DSCAML1: variants seen among roughly 807,000 people sequenced by gnomAD.
The protein encoded by DSCAML1 is DS cell adhesion molecule like 1, also known as cell adhesion molecule DSCAML1.
DSCAML1 carries 38 observed loss-of-function variants against 200.5 expected under a neutral mutation model. The ratio of observed to expected loss-of-function variants is 0.19; its 90% CI spans 0.15 to 0.25. DSCAML1 has a LOEUF of 0.25. Among genes scored for constraint, DSCAML1 ranks in the 10% least tolerant of loss-of-function variants. DSCAML1 has a pLI of 1.00. For missense variants in DSCAML1, 2,223 were observed against 2,858.8 expected (o/e 0.78, Z 5.07); for synonymous variants, 1,215 against 1,165.0 (o/e 1.04, Z -0.87).
In DSCAML1 at chr11:117,504,587, A is replaced by C. The variant is rs1324637839; in HGVS notation, c.2182+337T>G. ...CAGAAAAGGTTGACTGGTGAGAAGC[A>C]GGGGGCTTTGAGGCTCTGGGGCCCC... On this transcript the variant is annotated intron_variant, in intron 10 of 32. Transcript: ENST00000651296. The surrounding 1 kb of genome is among the most constrained non-coding windows in gnomAD (Gnocchi z 5.0). Among the ~76,000 whole-genome samples the C allele has an allele frequency of 6.6e-6, 1 of 152,164 alleles. No homozygotes were observed. The highest frequency in any genetic ancestry group is 1.5e-5 in the Non-Finnish European group (1 of 68,018).
intron 1 of DSCAML1, among the ~76,000 whole-genome samples, chr11:117,788,436 C>CCT (rs2055402492): frequency 6.6e-6 from 1 of 152,184 alleles, no homozygotes; most frequent in Non-Finnish European, 1.5e-5. Context: ...GAGCGATTCT[C>CCT]CTGCCTCAGT....
rs1025082430 is a variant in DSCAML1 at position 117,642,328 on chromosome 11, CT to C, written c.512-109807del. On this transcript the variant is annotated intron_variant, in intron 3 of 32. Coordinates refer to ENST00000651296, the MANE Select transcript of DSCAML1 (RefSeq NM_020693.4). The surrounding 1 kb of genome is among the most constrained non-coding windows in gnomAD (Gnocchi z 4.1). ...CTTCCTATCTCACACCTGCCATCCTCTTTTTTTTTCTTGCTTGAGCTCTGGT... is the reference window on the plus strand; with the variant it reads ...CTTCCTATCTCACACCTGCCATCCTCTTTTTTTTCTTGCTTGAGCTCTGGT... 6.6e-6 allele frequency among the ~76,000 whole-genome samples: 1 copy of C among 151,640 alleles called. No homozygotes were observed. The highest frequency in any genetic ancestry group is 1.9e-4 in the East Asian group (1 of 5,196).
chr11:117,663,021 T>A (rs1170460766), intron 3 of DSCAML1, among the ~76,000 whole-genome samples: 1 of 133,910 alleles, frequency 7.5e-6, no homozygotes, highest in Non-Finnish European at 1.6e-5. Context: ...CCTTACCACA[T>A]CCACTTGCCC....
chr11:117,762,896 TAATAA>T lies in DSCAML1; in HGVS notation c.511+13890_511+13894del, dbSNP rs1351718821. 3.4e-5 allele frequency among the ~76,000 whole-genome samples: 5 copies of T among 146,500 alleles called. No homozygotes were observed. The East Asian group carries it at 9.8e-4, about 29-fold the overall frequency. On this transcript the variant is annotated intron_variant, in intron 3 of 32. Coordinates refer to ENST00000651296, the MANE Select transcript of DSCAML1 (RefSeq NM_020693.4). ...ATAATAATAATAATAATAATAATAA[TAATAA>T]TTTAATATATATGAAACTGTGCTGT... is the stretch of plus-strand genomic sequence containing the variant.
intron 3 of DSCAML1, among the ~76,000 whole-genome samples, chr11:117,651,588 T>C (rs1258998584): frequency 1.3e-5 from 2 of 151,262 alleles, no homozygotes; most frequent in Non-Finnish European, 2.9e-5. Context: ...GGCGGGCACC[T>C]GTAGTCCCAG....
intron 18 of DSCAML1, 119 bp from the exon 19 acceptor site, chr11:117,459,028 G>A: frequency 7.4e-7 from 1 of 1,343,300 alleles, no homozygotes; most frequent in Non-Finnish European, 1.0e-6. Context: ...CGACTCCATG[G>A]TGGCGAGGAC....
intron 3 of DSCAML1, among the ~76,000 whole-genome samples, chr11:117,549,146 GGGGTCTACCT>G (rs779717910): frequency 5.1e-4 from 77 of 152,246 alleles, no homozygotes; most frequent in Non-Finnish European, 5.4e-4. Context: ...TCCCACTCCG[GGGGTCTACCT>G]GCCTCAGAGG....
At chr11:117,675,945 G>C (rs2137681701) in intron 3 of DSCAML1, among the ~76,000 whole-genome samples, 1 of 152,282 alleles carries the variant, frequency 6.6e-6, no homozygotes, top group Non-Finnish European at 1.5e-5. Context: ...CCCCACTCCA[G>C]GGCTGGCTTT....
At chr11:117,815,305 G>A (rs2055795687) in intron 1 of DSCAML1, among the ~76,000 whole-genome samples, 1 of 152,186 alleles carries the variant, frequency 6.6e-6, no homozygotes, top group African/African-American at 2.4e-5. Context: ...CTTTTGTCTT[G>A]TGTCTGTTTT....
chr11:117,810,245 A>ACCCCTT (rs1431731742), intron 1 of DSCAML1, among the ~76,000 whole-genome samples: 37 of 151,156 alleles, frequency 2.4e-4, no homozygotes, highest in Middle Eastern at 3.4e-3. Flanking sequence ...TGGACCCAAA[A>ACCCCTT]CTCCGTGGAC....
Position 117,437,104 on chromosome 11 carries a change from T to G in DSCAML1, c.4720+18A>C. The G allele has an allele frequency of 6.2e-7, 1 of 1,606,292 alleles. No individual in the cohort carries two copies. Among genetic ancestry groups the G allele is most frequent in the Non-Finnish European group, 8.5e-7 (1 of 1,175,396 alleles). On this transcript the variant is annotated intron_variant, in intron 26 of 32. Coordinates refer to ENST00000651296, the MANE Select transcript of DSCAML1 (RefSeq NM_020693.4). The surrounding 1 kb of genome is among the most constrained non-coding windows in gnomAD (Gnocchi z 5.3). ...CTGCTCCAGCCTCTGTACCATCCCT[T>G]CCACCCTTGCGACTCACTGCCATCG...
intron 14 of DSCAML1, among the ~76,000 whole-genome samples, chr11:117,472,713 T>A (rs1308779839): frequency 6.6e-6 from 1 of 152,194 alleles, no homozygotes; most frequent in East Asian, 1.9e-4. Flanking sequence ...ATCTCACGGC[T>A]GATGTTTAGC....
At chr11:117,479,902 C>T (rs2048875012) in intron 14 of DSCAML1, among the ~76,000 whole-genome samples, 1 of 152,170 alleles carries the variant, frequency 6.6e-6, no homozygotes, top group South Asian at 2.1e-4. Context: ...CTCGCGTCAG[C>T]CTGCCAAAGT....
At chr11:117,607,911 A>G (rs1448469262) in intron 3 of DSCAML1, among the ~76,000 whole-genome samples, 1 of 152,236 alleles carries the variant, frequency 6.6e-6, no homozygotes, top group African/African-American at 2.4e-5. Context: ...TCACAAGAGC[A>G]TGTATGCATG....
chr11:117,588,023 A>G (rs1384050384), intron 3 of DSCAML1, among the ~76,000 whole-genome samples: 2 of 152,168 alleles, frequency 1.3e-5, no homozygotes, highest in Non-Finnish European at 2.9e-5. Flanking sequence ...TTTCTTTGAC[A>G]AAGACTGATG....
chr11:117,564,753 CTCTCTT>C (rs1469998628), intron 3 of DSCAML1, among the ~76,000 whole-genome samples: 2 of 148,202 alleles, frequency 1.3e-5, no homozygotes, highest in African/African-American at 2.5e-5. Flanking sequence ...TCTTCTCTCT[CTCTCTT>C]TCTTTCTTTC....
chr11:117,605,265 G>C (rs1052611000), intron 3 of DSCAML1, among the ~76,000 whole-genome samples: 1 of 152,026 alleles, frequency 6.6e-6, no homozygotes, highest in Non-Finnish European at 1.5e-5. Context: ...AAGCACGGCT[G>C]GTCTGACACA....
At chr11:117,667,132 T>C (rs546796115) in intron 3 of DSCAML1, among the ~76,000 whole-genome samples, 5 of 152,184 alleles carry the variant, frequency 3.3e-5, no homozygotes, top group African/African-American at 1.2e-4. Context: ...ATGTTGGTGG[T>C]TGGGCACGAT....
chr11:117,606,666 G>C (rs138481713), intron 3 of DSCAML1, among the ~76,000 whole-genome samples: 441 of 152,318 alleles, frequency 2.9e-3, no homozygotes, highest in African/African-American at 9.5e-3. Flanking sequence ...ACTCTGCTCT[G>C]GTTCCATGGA....
Sources: allele counts gnomAD v4.1 joint callset (sites outside exome capture counted in the v4.1 genomes callset), GRCh38; gene constraint gnomAD v4.1.1; non-coding constraint Gnocchi (gnomAD v3.1); transcripts MANE v1.5; gene names NCBI Gene and HGNC (gene_info 2026-07-23, HGNC 2026-07-21).